MCPH1: variants seen among roughly 807,000 people sequenced by gnomAD.
MCPH1 encodes the protein microcephalin 1.
Under a neutral mutation model 84.5 loss-of-function variants are expected in MCPH1, and 104 were observed. The observed-to-expected ratio is 1.23, with a 90% CI of 1.05 to 1.45. The LOEUF (loss-of-function observed/expected upper bound fraction) is 1.45. Ranked by LOEUF, MCPH1 falls within the 40% of genes most tolerant of loss-of-function variation. The pLI, the probability that MCPH1 is intolerant of heterozygous loss-of-function variation, is 0.00. For missense variants in MCPH1, 1,498 were observed against 1,005.7 expected (o/e 1.49, Z -6.62); for synonymous variants, 514 against 366.8 (o/e 1.40, Z -4.58).
intron 4 of MCPH1, among the ~76,000 whole-genome samples, chr8:6,434,980 G>A (rs577590621): frequency 1.2e-4 from 18 of 152,316 alleles, no homozygotes; most frequent in Non-Finnish European, 2.2e-4. Flanking sequence ...AGAAAGTGGG[G>A]TGGGTAAGGC....
chr8:6,619,985 C>T (rs1458907189), intron 12 of MCPH1: 1 of 152,212 alleles, frequency 6.6e-6, no homozygotes, highest in Non-Finnish European at 1.5e-5. Flanking sequence ...CCCCGTGATG[C>T]TAGGGACCAT....
At chr8:6,514,764 C>T (rs1319607077) in intron 12 of MCPH1, 1 of 1,614,046 alleles carries the variant, frequency 6.2e-7, no homozygotes, top group Non-Finnish European at 8.5e-7. Context: ...CTCCAGCTTC[C>T]ATGTCACAGT....
intron 12 of MCPH1, among the ~76,000 whole-genome samples, chr8:6,609,842 C>T (rs1350230046): frequency 2.8e-5 from 4 of 142,012 alleles, no homozygotes; most frequent in Non-Finnish European, 4.6e-5. Context: ...ACACAGACTG[C>T]CAGGTAAACC....
intron 8 of MCPH1, chr8:6,446,589 G>A: frequency 4.1e-6 from 4 of 980,686 alleles, no homozygotes; most frequent in Non-Finnish European, 4.8e-6. Flanking sequence ...ATTAGCCTTA[G>A]TATGTGTTTT....
At chr8:6,580,605 C>A (rs898904921) in intron 12 of MCPH1, among the ~76,000 whole-genome samples, 7 of 152,152 alleles carry the variant, frequency 4.6e-5, no homozygotes, top group African/African-American at 1.7e-4. Flanking sequence ...GAGCTGTGAT[C>A]ATGCCACTGC....
intron 11 of MCPH1, among the ~76,000 whole-genome samples, chr8:6,483,857 C>G (rs1809537853): frequency 6.6e-6 from 1 of 151,116 alleles, no homozygotes; most frequent in Non-Finnish European, 1.5e-5. Context: ...GACACCCTGT[C>G]AAAGAAAAGA....
chr8:6,565,904 C>G (rs1377435960), intron 12 of MCPH1, among the ~76,000 whole-genome samples: 2 of 152,186 alleles, frequency 1.3e-5, no homozygotes, highest in Admixed American at 6.5e-5. Flanking sequence ...ATGGAAGGAA[C>G]AGCTCTTTGT....
Position 6,643,000 on chromosome 8 carries a change from T to C in MCPH1, c.2459T>C (p.Ile820Thr). 4 of 1,614,134 alleles carry C rather than the reference T, an allele frequency of 2.5e-6. No homozygotes were observed. Among genetic ancestry groups the C allele is most frequent in the East Asian group, 4.5e-5 (2 of 44,884 alleles). ...CTTTTCGCTCTCTCTCTAGATTCCA[T>C]CACCCAGCACAAGGTCTGTGCCCCT... is the stretch of plus-strand genomic sequence containing the variant. ...YLSEKWVLDS[I>T]TQHKVCAPEN... Residue 820 changes from isoleucine (I) to threonine (T), a missense_variant, in exon 14 of 14, where the codon ATC becomes ACC. By Grantham distance (89) the Ile-to-Thr change is moderately conservative. Transcript: ENST00000344683.
chr8:6,459,573 A>C (rs1456596432), intron 9 of MCPH1, among the ~76,000 whole-genome samples: 6 of 152,222 alleles, frequency 3.9e-5, no homozygotes, highest in Non-Finnish European at 8.8e-5. Context: ...TTCACCAGCT[A>C]ATGACTGAAG....
At chr8:6,565,156 C>A (rs1053826953) in intron 12 of MCPH1, among the ~76,000 whole-genome samples, 1 of 152,166 alleles carries the variant, frequency 6.6e-6, no homozygotes, top group African/African-American at 2.4e-5. Flanking sequence ...TTCTTGGAGC[C>A]TCAGTCTCCC....
intron 12 of MCPH1, among the ~76,000 whole-genome samples, chr8:6,522,678 G>A (rs1817587152): frequency 6.6e-6 from 1 of 151,760 alleles, no homozygotes; most frequent in South Asian, 2.1e-4. Flanking sequence ...GGAGGCTGAG[G>A]CAGGAGAACT....
At chr8:6,494,059 G>C (rs1810964393) in intron 11 of MCPH1, 1 of 152,102 alleles carries the variant, frequency 6.6e-6, no homozygotes, top group Admixed American at 6.6e-5. Flanking sequence ...TTGTGCCTCA[G>C]CCTCTTGAGT....
chr8:6,440,608 C>T (rs1367154834), intron 6 of MCPH1, among the ~76,000 whole-genome samples: 3 of 152,158 alleles, frequency 2.0e-5, no homozygotes, highest in African/African-American at 7.2e-5. Context: ...GCCCCTTTCT[C>T]CATACTTGGA....
At chr8:6,549,116 C>A (rs1377510825) in intron 12 of MCPH1, among the ~76,000 whole-genome samples, 1 of 152,142 alleles carries the variant, frequency 6.6e-6, no homozygotes, top group African/African-American at 2.4e-5. Flanking sequence ...TCAGTCAGTC[C>A]AACTCCACAG....
chr8:6,616,039 C>T (rs898209197), intron 12 of MCPH1: 1 of 152,188 alleles, frequency 6.6e-6, no homozygotes, highest in African/African-American at 2.4e-5. Context: ...CCAGAGCTTG[C>T]ATTACTGAGC....
At chr8:6,514,737 A>G (rs1815905960) in intron 12 of MCPH1, 2 of 1,613,982 alleles carry the variant, frequency 1.2e-6, no homozygotes, top group Non-Finnish European at 1.7e-6. Flanking sequence ...GTCGCTGAAT[A>G]ATTGTCCACC....
Position 6,636,066 on chromosome 8 carries a change from C to T in MCPH1, c.2453-6928C>T, listed in dbSNP as rs1479253174. Among the ~76,000 whole-genome samples, 4 of 152,192 alleles carry T rather than the reference C, an allele frequency of 2.6e-5. 1 individual carries two copies. The highest frequency in any genetic ancestry group is 2.1e-4 in the South Asian group (1 of 4,834). On this transcript the variant is annotated intron_variant, in intron 13 of 13. Coordinates refer to ENST00000344683, the MANE Select transcript of MCPH1 (RefSeq NM_024596.5). ...ATAAATTCAGAGTCACGGGCAGGCA[C>T]GGTGGCTCACGCCTGTAATCCCAGC...
intron 10 of MCPH1, among the ~76,000 whole-genome samples, chr8:6,480,333 C>A (rs943142235): frequency 1.3e-5 from 2 of 151,980 alleles, no homozygotes; most frequent in East Asian, 3.9e-4. Context: ...ACCATGTTGG[C>A]TAGGCTGATC....
chr8:6,627,352 C>A, intron 13 of MCPH1: 1 of 916,762 alleles, frequency 1.1e-6, no homozygotes, highest in Non-Finnish European at 1.3e-6. Context: ...CGGGGACTGC[C>A]CCCTTCCAGC....
Sources: allele counts gnomAD v4.1 joint callset (sites outside exome capture counted in the v4.1 genomes callset), GRCh38; gene constraint gnomAD v4.1.1; transcripts MANE v1.5; gene names NCBI Gene and HGNC (gene_info 2026-07-23, HGNC 2026-07-21).